Variants in SCHIP1 observed in about 807,000 individuals in gnomAD.
The protein encoded by SCHIP1 is schwannomin interacting protein 1, also known as schwannomin-interacting protein 1.
A neutral mutation model predicts 29.7 loss-of-function variants in SCHIP1; 8 were observed. The ratio of observed to expected loss-of-function variants is 0.27; its 90% CI spans 0.16 to 0.49. SCHIP1 has a LOEUF of 0.49. Ranked by LOEUF, SCHIP1 falls within the 20% of genes least tolerant of loss-of-function variation. SCHIP1 has a pLI of 0.99. For synonymous variants in SCHIP1, 76 were observed against 94.9 expected, an observed-to-expected ratio of 0.80 and a Z score of 1.16; for missense variants, 193 against 294.6, an observed-to-expected ratio of 0.66 and a Z score of 2.52.
At chr3:159,455,025 G>A in the SCHIP1 span, among the ~76,000 whole-genome samples, 3 of 152,094 alleles carry the variant, frequency 2.0e-5, no homozygotes, top group Middle Eastern at 3.4e-3. Flanking sequence ...TGTTAAGGAC[G>A]GAACCCCAGC....
the SCHIP1 span, among the ~76,000 whole-genome samples, chr3:159,684,599 A>T: frequency 1.3e-5 from 2 of 151,900 alleles, no homozygotes; most frequent in African/African-American, 2.4e-5. Context: ...AGGTCAGGAG[A>T]TCGAGACCAT....
chr3:159,504,538 A>T, the SCHIP1 span, among the ~76,000 whole-genome samples: 41 of 152,302 alleles, frequency 2.7e-4, no homozygotes, highest in African/African-American at 9.6e-4. Flanking sequence ...ACACACCAGC[A>T]TTGCTTATGG....
chr3:159,278,956 C>T, the SCHIP1 span, among the ~76,000 whole-genome samples: 1 of 152,144 alleles, frequency 6.6e-6, no homozygotes, highest in South Asian at 2.1e-4. Flanking sequence ...TCAAGACCAC[C>T]TTACAGTTGT....
the SCHIP1 span, among the ~76,000 whole-genome samples, chr3:159,527,275 G>C: frequency 6.6e-6 from 1 of 152,068 alleles, no homozygotes; most frequent in Non-Finnish European, 1.5e-5. Flanking sequence ...AATATCCCCT[G>C]TTCTCTTCTC....
the SCHIP1 span, among the ~76,000 whole-genome samples, chr3:159,509,667 T>C: frequency 6.6e-6 from 1 of 152,214 alleles, no homozygotes; most frequent in East Asian, 1.9e-4. Context: ...GGCCTGGTGG[T>C]GACAAAATCA....
At chr3:159,772,308 C>T in the SCHIP1 span, among the ~76,000 whole-genome samples, 8,874 of 152,262 alleles carry the variant, frequency 0.058, 346 homozygotes, top group South Asian at 0.2. Context: ...TGCCCACCAC[C>T]ATGCCCAACT....
the SCHIP1 span, among the ~76,000 whole-genome samples, chr3:159,503,837 G>A: frequency 1.3e-5 from 2 of 152,264 alleles, no homozygotes; most frequent in African/African-American, 2.4e-5. Flanking sequence ...AACATTTACT[G>A]AGTAACCCTT....
chr3:159,593,323 G>C, the SCHIP1 span, among the ~76,000 whole-genome samples: 2 of 152,100 alleles, frequency 1.3e-5, no homozygotes, highest in Non-Finnish European at 2.9e-5. Context: ...CACCCCTCCT[G>C]AACAGGCTGC....
the SCHIP1 span, among the ~76,000 whole-genome samples, chr3:159,336,307 C>T: frequency 9.2e-5 from 14 of 151,922 alleles, 1 homozygote; most frequent in South Asian, 2.1e-4. Flanking sequence ...CTGTTCACTC[C>T]GATGGTAGTT....
At chr3:159,708,528 T>TTA in the SCHIP1 span, among the ~76,000 whole-genome samples, 2 of 152,196 alleles carry the variant, frequency 1.3e-5, no homozygotes, top group East Asian at 3.9e-4. Flanking sequence ...TTTCTCTCTC[T>TTA]TAAAAGCTTT....
At chr3:159,431,127 A>AAAAACAACAC in the SCHIP1 span, among the ~76,000 whole-genome samples, 1,492 of 152,242 alleles carry the variant, frequency 9.8e-3, 22 homozygotes, top group Middle Eastern at 0.014. Flanking sequence ...CAGCGAGGAA[A>AAAAACAACAC]AAAACAACAC....
At chr3:159,768,279 T>A in the SCHIP1 span, 1 of 152,226 alleles carries the variant, frequency 6.6e-6, no homozygotes, top group African/African-American at 2.4e-5. Flanking sequence ...ATAAGTAAAC[T>A]GGGAAATCAT....
chr3:159,483,868 A>C, the SCHIP1 span, among the ~76,000 whole-genome samples: 33 of 152,322 alleles, frequency 2.2e-4, no homozygotes, highest in African/African-American at 6.0e-4. Context: ...ATTATTACTG[A>C]GTACAGCAAA....
At chr3:159,583,423 C>T in the SCHIP1 span, among the ~76,000 whole-genome samples, 1 of 152,096 alleles carries the variant, frequency 6.6e-6, no homozygotes, top group Non-Finnish European at 1.5e-5. Flanking sequence ...AAAGACAATC[C>T]TATTTTAAAA....
the SCHIP1 span, among the ~76,000 whole-genome samples, chr3:159,542,796 G>T: frequency 6.6e-6 from 1 of 152,084 alleles, no homozygotes; most frequent in East Asian, 1.9e-4. Context: ...AGGGAATGGA[G>T]CTATGCCTCC....
At chr3:159,423,999 C>G in the SCHIP1 span, among the ~76,000 whole-genome samples, 1 of 150,050 alleles carries the variant, frequency 6.7e-6, no homozygotes, top group Non-Finnish European at 1.5e-5. Flanking sequence ...ATTTGAGGGT[C>G]CTGTCTGTTA....
At chr3:159,643,783 A>T in the SCHIP1 span, among the ~76,000 whole-genome samples, 2 of 151,876 alleles carry the variant, frequency 1.3e-5, no homozygotes, top group African/African-American at 4.8e-5. Flanking sequence ...TCTTCCTTAG[A>T]CTTGTTTAAT....
chr3:159,746,073 A>G, the SCHIP1 span, among the ~76,000 whole-genome samples: 5 of 152,366 alleles, frequency 3.3e-5, no homozygotes, highest in Non-Finnish European at 4.4e-5. Flanking sequence ...GGTTATAGGA[A>G]CATGGGGTTC....
chr3:159,489,516 G>A, the SCHIP1 span, among the ~76,000 whole-genome samples: 1 of 152,104 alleles, frequency 6.6e-6, no homozygotes, highest in African/African-American at 2.4e-5. Flanking sequence ...GTAAATAACT[G>A]ATAAAACAAT....
Sources: allele counts gnomAD v4.1 joint callset (sites outside exome capture counted in the v4.1 genomes callset), GRCh38; gene constraint gnomAD v4.1.1; transcripts MANE v1.5; gene names NCBI Gene and HGNC (gene_info 2026-07-23, HGNC 2026-07-21).